Variants in ZMAT4 observed in about 807,000 individuals in gnomAD.
ZMAT4 encodes zinc finger matrin-type protein 4.
A neutral mutation model predicts 28.7 loss-of-function variants in ZMAT4; 17 were observed. That is an observed-to-expected ratio of 0.59 (90% CI 0.41 to 0.89). The LOEUF (loss-of-function observed/expected upper bound fraction) is 0.89. Ranked by LOEUF, ZMAT4 falls within the 40% of genes least tolerant of loss-of-function variation. ZMAT4 has a pLI of 0.00. For synonymous variants in ZMAT4, 117 were observed against 109.2 expected, an observed-to-expected ratio of 1.07 and a Z score of -0.44; for missense variants, 240 against 283.8, an observed-to-expected ratio of 0.85 and a Z score of 1.11.
At chr8:40,681,844 A>T (rs1294188904) in intron 4 of ZMAT4, among the ~76,000 whole-genome samples, 1 of 152,210 alleles carries the variant, frequency 6.6e-6, no homozygotes, top group Non-Finnish European at 1.5e-5. Context: ...AGATTAAATA[A>T]ATTTTAGTCA....
intron 6 of ZMAT4, among the ~76,000 whole-genome samples, chr8:40,557,563 CAA>C (rs1377779115): frequency 1.3e-5 from 2 of 152,198 alleles, no homozygotes; most frequent in Non-Finnish European, 2.9e-5. Context: ...TTCAACAACT[CAA>C]GTCAAGTACC....
intron 1 of ZMAT4, among the ~76,000 whole-genome samples, chr8:40,836,118 T>C (rs1816479830): frequency 6.6e-6 from 1 of 152,234 alleles, no homozygotes; most frequent in Non-Finnish European, 1.5e-5. Flanking sequence ...TGGTTTGACA[T>C]CTTGTGACAC....
At chr8:40,748,493 G>A (rs1388417274) in intron 3 of ZMAT4, among the ~76,000 whole-genome samples, 1 of 152,202 alleles carries the variant, frequency 6.6e-6, no homozygotes, top group African/African-American at 2.4e-5. Flanking sequence ...GTTCAGGGCT[G>A]TGTGTGCTGT....
chr8:40,691,961 T>C (rs1300031551), intron 4 of ZMAT4, among the ~76,000 whole-genome samples: 3 of 152,188 alleles, frequency 2.0e-5, no homozygotes, highest in East Asian at 3.9e-4. Flanking sequence ...ACAGGGATGA[T>C]ACATTCCTGT....
intron 5 of ZMAT4, among the ~76,000 whole-genome samples, chr8:40,585,837 A>T (rs1192191076): frequency 6.6e-6 from 1 of 152,192 alleles, no homozygotes; most frequent in Non-Finnish European, 1.5e-5. Flanking sequence ...CATAATAAAT[A>T]TTAACTACTA....
rs1586114657 is a variant in ZMAT4, at chr8:40,821,015, ATGGGTGCG to A, written c.102+4552_102+4559del. Among the ~76,000 whole-genome samples, 5 of 141,484 alleles carry A rather than the reference ATGGGTGCG, an allele frequency of 3.5e-5. No individual in the cohort carries two copies. The East Asian group carries it at 1.0e-3, about 29-fold the overall frequency. 92.8% of individuals were successfully genotyped at this position (141,484 alleles called of 152,430 possible). A position where few individuals can be genotyped will look rare whatever the true frequency, so the allele number is the denominator to read the frequency against. The stretch of plus-strand genomic sequence containing the variant: ...TGTGTGTGTATGTGTATATGTGTTT[ATGGGTGCG>A]TGTGTATGTGTATGTATGTGTGGGT... On this transcript the variant is annotated intron_variant, in intron 2 of 6. Coordinates refer to ENST00000297737, the MANE Select transcript of ZMAT4 (RefSeq NM_024645.3).
chr8:40,595,470 C>T (rs927630910), intron 5 of ZMAT4, among the ~76,000 whole-genome samples: 2 of 152,054 alleles, frequency 1.3e-5, no homozygotes, highest in African/African-American at 4.8e-5. Flanking sequence ...GTTGTGTGAA[C>T]ATCAGAGTGT....
chr8:40,633,065 G>A (rs886798993), intron 5 of ZMAT4, among the ~76,000 whole-genome samples: 1 of 152,050 alleles, frequency 6.6e-6, no homozygotes, highest in African/African-American at 2.4e-5. Context: ...TCCAGGGCTG[G>A]GAGGGTAGGT....
At chr8:40,780,609 G>A (rs572998847) in intron 2 of ZMAT4, among the ~76,000 whole-genome samples, 1 of 152,254 alleles carries the variant, frequency 6.6e-6, no homozygotes, top group East Asian at 1.9e-4. Context: ...AGAAAGATAA[G>A]TATATTTAAG....
intron 1 of ZMAT4, among the ~76,000 whole-genome samples, chr8:40,877,891 G>A (rs1330321682): frequency 6.6e-6 from 1 of 152,138 alleles, no homozygotes; most frequent in Non-Finnish European, 1.5e-5. Flanking sequence ...ACACCTGGGC[G>A]CATTCCAAAA....
chr8:40,621,571 G>A (rs1039413883), intron 5 of ZMAT4, among the ~76,000 whole-genome samples: 2 of 152,204 alleles, frequency 1.3e-5, no homozygotes, highest in African/African-American at 4.8e-5. Flanking sequence ...TCAAGCGCAA[G>A]GTTAGAGTTG....
At chr8:40,784,767 C>T (rs967058039) in intron 2 of ZMAT4, among the ~76,000 whole-genome samples, 1 of 152,202 alleles carries the variant, frequency 6.6e-6, no homozygotes, top group Non-Finnish European at 1.5e-5. Flanking sequence ...AAACCCCAGC[C>T]TTTTCAGGGA....
chr8:40,855,973 G>A (rs1381193066), intron 1 of ZMAT4, among the ~76,000 whole-genome samples: 1 of 151,888 alleles, frequency 6.6e-6, no homozygotes, highest in Non-Finnish European at 1.5e-5. Context: ...TTACCGGCAT[G>A]AGCAACTACA....
At position 40,683,513 on chromosome 8, in the gene ZMAT4, C is replaced by A. The variant is rs1482556204; in HGVS notation, c.350-8582G>T. ...AACATCTGTTGGACACCACAGGGACCATTAGCTTAAGGTAGCTCACAGTTT... is the reference window on the plus strand; with the variant it reads ...AACATCTGTTGGACACCACAGGGACAATTAGCTTAAGGTAGCTCACAGTTT... On this transcript the variant is annotated intron_variant, in intron 4 of 6. Coordinates refer to ENST00000297737, the MANE Select transcript of ZMAT4 (RefSeq NM_024645.3). Among the ~76,000 whole-genome samples the A allele has an allele frequency of 2.6e-5, 4 of 152,154 alleles. No homozygotes were observed. The South Asian group carries it at 6.2e-4, about 24-fold the overall frequency.
chr8:40,814,000 G>T (rs1413476176), intron 2 of ZMAT4, among the ~76,000 whole-genome samples: 1 of 152,340 alleles, frequency 6.6e-6, no homozygotes, highest in Middle Eastern at 3.4e-3. Context: ...AGGTCGGGGA[G>T]CAGGGGGCTG....
At chr8:40,637,529 G>A (rs918818053) in intron 5 of ZMAT4, among the ~76,000 whole-genome samples, 7 of 152,122 alleles carry the variant, frequency 4.6e-5, no homozygotes, top group Non-Finnish European at 7.3e-5. Flanking sequence ...AGAGAGAGAG[G>A]GAGATTAAGG....
At position 40,697,225 on chromosome 8, in the gene ZMAT4, A is replaced by T. The variant is rs893827250; in HGVS notation, c.349+20T>A. 5 of 1,577,710 alleles carry T rather than the reference A, an allele frequency of 3.2e-6. No homozygotes were observed. Among genetic ancestry groups the T allele is most frequent in the Non-Finnish European group, 4.3e-6 (5 of 1,160,080 alleles). On this transcript the variant is annotated intron_variant, in intron 4 of 6. Transcript: ENST00000297737. ...ACTTGGTTTTCAGGGTCTCCCCACG[A>T]TCACTGTTCCTGCACGTACCTGTGG...
intron 6 of ZMAT4, among the ~76,000 whole-genome samples, chr8:40,537,727 G>C (rs1311538829): frequency 6.6e-6 from 1 of 152,132 alleles, no homozygotes. Context: ...AAATGTTAGA[G>C]CCAGAAGGGA....
In ZMAT4 at chr8:40,586,029, C is replaced by T. The variant is rs143048329; in HGVS notation, c.578-4768G>A. Among the ~76,000 whole-genome samples, 319 of 152,178 alleles carry T rather than the reference C, an allele frequency of 2.1e-3. 1 individual carries two copies. The highest frequency in any genetic ancestry group is 7.1e-3 in the African/African-American group (294 of 41,516). On this transcript the variant is annotated intron_variant, in intron 5 of 6. Transcript: ENST00000297737. The stretch of plus-strand genomic sequence containing the variant: ...AGTTCTCACGCTCTGCAGCCAGAGG[C>T]GTGGGCAGGAAATATTTGGCACTTT...
Sources: allele counts gnomAD v4.1 joint callset (sites outside exome capture counted in the v4.1 genomes callset), GRCh38; gene constraint gnomAD v4.1.1; transcripts MANE v1.5; gene names NCBI Gene and HGNC (gene_info 2026-07-23, HGNC 2026-07-21).